The following PGBD5 variants were observed in gnomAD, a reference collection of about 807,000 sequenced individuals.
PGBD5 encodes piggyBac transposable element derived 5, also known as piggyBac transposable element-derived protein 5.
A neutral mutation model predicts 47.9 loss-of-function variants in PGBD5; 14 were observed. The observed-to-expected ratio is 0.29, with a 90% CI of 0.19 to 0.46. The LOEUF is 0.46. PGBD5 is among the 20% of genes least tolerant of loss of function. PGBD5 has a pLI of 1.00. For synonymous variants in PGBD5, 316 were observed against 306.3 expected, an observed-to-expected ratio of 1.03 and a Z score of -0.33; for missense variants, 635 against 716.0, an observed-to-expected ratio of 0.89 and a Z score of 1.29.
In PGBD5 at chr1:230,386,811, G is replaced by A. The variant is rs191559814; in HGVS notation, c.332-29490C>T. ...TGAAATGTGTTATAAATATAGCCCCGATTTCAAACATGGTGTTCTGCCCAG... is the reference window on the plus strand; with the variant it reads ...TGAAATGTGTTATAAATATAGCCCCAATTTCAAACATGGTGTTCTGCCCAG... On this transcript the variant is annotated intron_variant, in intron 1 of 6. Transcript: ENST00000391860. 2.5e-4 allele frequency among the ~76,000 whole-genome samples: 38 copies of A among 152,254 alleles called. No individual in the cohort carries two copies. In the East Asian group the frequency reaches 4.2e-3, roughly 17 times the overall value.
At chr1:230,348,831 C>G (rs887597310) in intron 3 of PGBD5, among the ~76,000 whole-genome samples, 24 of 152,212 alleles carry the variant, frequency 1.6e-4, no homozygotes, top group African/African-American at 4.3e-4. Flanking sequence ...AGTCCTGTCA[C>G]GGCACAGCCT....
At chr1:230,366,538 T>C (rs942390293) in intron 1 of PGBD5, among the ~76,000 whole-genome samples, 1 of 152,192 alleles carries the variant, frequency 6.6e-6, no homozygotes, top group Non-Finnish European at 1.5e-5. Flanking sequence ...AAACCTCACA[T>C]TATTATTCTG....
chr1:230,409,025 A>C (rs1366626292), intron 1 of PGBD5, among the ~76,000 whole-genome samples: 4 of 152,174 alleles, frequency 2.6e-5, no homozygotes, highest in African/African-American at 9.7e-5. Context: ...AAGACAAATG[A>C]CTCAATTTAA....
At chr1:230,388,812 G>C (rs1356660596) in intron 1 of PGBD5, among the ~76,000 whole-genome samples, 1 of 152,216 alleles carries the variant, frequency 6.6e-6, no homozygotes, top group Non-Finnish European at 1.5e-5. Context: ...CTCTCAGGGT[G>C]GCCATGACCC....
intron 1 of PGBD5, among the ~76,000 whole-genome samples, chr1:230,399,954 G>A (rs1156460214): frequency 6.6e-6 from 1 of 152,238 alleles, no homozygotes; most frequent in African/African-American, 2.4e-5. Context: ...TCCTCTTAGG[G>A]TCTGTTCTCA....
At chr1:230,337,013 T>C in intron 4 of PGBD5, 95 bp downstream of exon 4, 1 of 1,380,538 alleles carries the variant, frequency 7.2e-7, no homozygotes, top group South Asian at 1.3e-5. Flanking sequence ...TGGTTTGTGG[T>C]GGCCACCACG....
At chr1:230,358,906 A>G (rs1368734180) in intron 1 of PGBD5, among the ~76,000 whole-genome samples, 1 of 152,182 alleles carries the variant, frequency 6.6e-6, no homozygotes, top group Non-Finnish European at 1.5e-5. Flanking sequence ...CTCAGAATGT[A>G]TCTCTGTCAT....
rs550140395 is a variant in PGBD5 at position 230,320,388 on chromosome 1, G to A, written c.*3037C>T. 1.1e-4 allele frequency: 16 copies of A among 152,330 alleles called. No homozygotes were observed. The highest frequency in any genetic ancestry group is 3.6e-4 in the African/African-American group (15 of 41,574). 9.4% of individuals were successfully genotyped at this position (152,330 alleles called of 1,614,324 possible). The stretch of plus-strand genomic sequence containing the variant: ...TCCCTGTGAGTTGCAGGGAAATGCA[G>A]ATTCTCTTTGGAGAAGCTTGGAAGT... On this transcript the variant is annotated 3_prime_UTR_variant, in exon 7 of 7. Coordinates refer to ENST00000391860, the MANE Select transcript of PGBD5 (RefSeq NM_001258311.2).
At chr1:230,347,692 G>A (rs1398617733) in intron 3 of PGBD5, among the ~76,000 whole-genome samples, 1 of 151,610 alleles carries the variant, frequency 6.6e-6, no homozygotes, top group Non-Finnish European at 1.5e-5. Flanking sequence ...GCATAATTTG[G>A]GCTCTCCTGG....
chr1:230,382,903 T>C (rs1558206228), intron 1 of PGBD5, among the ~76,000 whole-genome samples: 1 of 150,536 alleles, frequency 6.6e-6, no homozygotes, highest in Non-Finnish European at 1.5e-5. Context: ...GATCTTTAAA[T>C]GTCAGATGTT....
At chr1:230,392,951 A>G (rs270857) in intron 1 of PGBD5, among the ~76,000 whole-genome samples, 18,322 of 150,324 alleles carry the variant, frequency 0.12, 1,611 homozygotes, top group Non-Finnish European at 0.17. Flanking sequence ...CTGGAGGGAG[A>G]GGCACAGGAA....
At chr1:230,405,502 A>C (rs1233624446) in intron 1 of PGBD5, among the ~76,000 whole-genome samples, 1 of 152,244 alleles carries the variant, frequency 6.6e-6, no homozygotes, top group African/African-American at 2.4e-5. Context: ...AACATACAAA[A>C]TATTTGTTAA....
At chr1:230,325,521 G>C in intron 5 of PGBD5, 106 bp from the exon 6 acceptor site, 1 of 754,384 alleles carries the variant, frequency 1.3e-6, no homozygotes, top group Non-Finnish European at 2.3e-6. Context: ...ACTTAATAAT[G>C]AGCAGAGGAG....
At chr1:230,370,852 T>C (rs78678935) in intron 1 of PGBD5, among the ~76,000 whole-genome samples, 10,487 of 152,288 alleles carry the variant, frequency 0.069, 461 homozygotes, top group Non-Finnish European at 0.1. Context: ...GGTGTTCACC[T>C]CTCGAAGCTG....
intron 1 of PGBD5, among the ~76,000 whole-genome samples, chr1:230,366,819 C>T (rs923303): frequency 0.63 from 96,312 of 152,014 alleles, 31,865 homozygotes; most frequent in Non-Finnish European, 0.74. Flanking sequence ...TCATCACAGG[C>T]TTCTGTCCCC....
At position 230,425,602 on chromosome 1, in the gene PGBD5, G is replaced by A. The variant is rs556349276; in HGVS notation, c.327C>T (p.Thr109=). 6 of 1,219,158 alleles carry A rather than the reference G, an allele frequency of 4.9e-6. No homozygotes were observed. The East Asian group carries it at 9.8e-5, about 20-fold the overall frequency. The allele number at this position is 1,219,158 out of a possible 1,614,324, so 75.5% of individuals were successfully genotyped here. A position where few individuals can be genotyped will look rare whatever the true frequency, so the allele number is the denominator to read the frequency against. The change falls in exon 1 of 7, where the codon ACC becomes ACT. Residue 109 remains threonine, a synonymous_variant. Coordinates refer to ENST00000391860, the MANE Select transcript of PGBD5 (RefSeq NM_001258311.2). The surrounding 1 kb of genome is among the most constrained non-coding windows in gnomAD (Gnocchi z 4.7). The stretch of plus-strand genomic sequence containing the variant: ...CACCCGCGGGCAGCCCCTTACCGCC[G>A]GTATCCTCGAAGCGCGGGGGCGGGC... ...RDRPPPRFED[T]GGPTRKMPPS...
chr1:230,417,088 A>G (rs1657535230), intron 1 of PGBD5, among the ~76,000 whole-genome samples: 1 of 152,198 alleles, frequency 6.6e-6, no homozygotes, highest in African/African-American at 2.4e-5. Flanking sequence ...TTTTGTAATA[A>G]TTCTTCCTGC....
chr1:230,358,330 A>G (rs1348476345), intron 1 of PGBD5, among the ~76,000 whole-genome samples: 1 of 152,120 alleles, frequency 6.6e-6, no homozygotes, highest in Admixed American at 6.5e-5. Context: ...TGTTTCTAAC[A>G]CAGGGGCATG....
At chr1:230,406,980 G>A (rs920097278) in intron 1 of PGBD5, among the ~76,000 whole-genome samples, 4 of 152,292 alleles carry the variant, frequency 2.6e-5, no homozygotes, top group East Asian at 1.9e-4. Context: ...AATTACAGGC[G>A]TGCACCACCA....
Sources: allele counts gnomAD v4.1 joint callset (sites outside exome capture counted in the v4.1 genomes callset), GRCh38; gene constraint gnomAD v4.1.1; non-coding constraint Gnocchi (gnomAD v3.1); transcripts MANE v1.5; gene names NCBI Gene and HGNC (gene_info 2026-07-23, HGNC 2026-07-21).